Variants in ACBD6 observed in about 807,000 individuals in gnomAD.
ACBD6 encodes acyl-CoA-binding domain-containing protein 6.
ACBD6 carries 28 observed loss-of-function variants against 37.2 expected under a neutral mutation model. The observed-to-expected ratio is 0.75, with a 90% CI of 0.56 to 1.03. ACBD6 has a LOEUF of 1.03. Ranked by LOEUF, ACBD6 falls within the 50% of genes least tolerant of loss-of-function variation. The probability of loss-of-function intolerance (pLI) is 0.00; values close to 1 mark genes in which losing one functional copy is unlikely to be tolerated. For synonymous variants in ACBD6, 113 were observed against 126.8 expected (o/e 0.89, Z 0.73); for missense variants, 340 against 337.4 (o/e 1.01, Z -0.06).
intron 5 of ACBD6, among the ~76,000 whole-genome samples, chr1:180,410,199 T>C (rs1647798748): frequency 6.6e-6 from 1 of 152,232 alleles, no homozygotes; most frequent in African/African-American, 2.4e-5. Flanking sequence ...CTGGTTCATG[T>C]GGTTAAAGGA....
At chr1:180,446,214 T>C (rs187894071) in intron 3 of ACBD6, among the ~76,000 whole-genome samples, 1 of 151,552 alleles carries the variant, frequency 6.6e-6, no homozygotes, top group African/African-American at 2.4e-5. Flanking sequence ...GGTTTTACCA[T>C]GTCACCCATG....
chr1:180,447,021 T>C (rs534555125), intron 3 of ACBD6, among the ~76,000 whole-genome samples: 12 of 152,196 alleles, frequency 7.9e-5, no homozygotes, highest in South Asian at 4.1e-4. Flanking sequence ...GCCTGGGTGA[T>C]AGAGTGAGAC....
intron 6 of ACBD6, among the ~76,000 whole-genome samples, chr1:180,396,992 G>A (rs1654284005): frequency 6.6e-6 from 1 of 152,038 alleles, no homozygotes; most frequent in South Asian, 2.1e-4. Context: ...AAAATACAAG[G>A]ACACAAATGT....
intron 6 of ACBD6, among the ~76,000 whole-genome samples, chr1:180,333,662 T>C (rs923700272): frequency 9.2e-5 from 14 of 152,268 alleles, no homozygotes; most frequent in African/African-American, 3.4e-4. Context: ...TGTCAGAAAG[T>C]GGGTGCAGGA....
At chr1:180,453,705 G>A (rs956384549) in intron 3 of ACBD6, among the ~76,000 whole-genome samples, 26 of 152,108 alleles carry the variant, frequency 1.7e-4, no homozygotes, top group African/African-American at 6.0e-4. Context: ...AAAGTCTCAG[G>A]ATACAAAATC....
rs576322032 is a variant in ACBD6, at chr1:180,468,748, A to G, written c.384+23521T>C. 9.3e-4 allele frequency among the ~76,000 whole-genome samples: 141 copies of G among 152,310 alleles called. 3 individuals carry two copies. The Middle Eastern group carries it at 0.02, about 22-fold the overall frequency. ...ACCCCTAAATCAGATATTTAAGGCTATCAGTTAGCTTAACACCATAAAAAT... is the reference window on the plus strand; with the variant it reads ...ACCCCTAAATCAGATATTTAAGGCTGTCAGTTAGCTTAACACCATAAAAAT... On this transcript the variant is annotated intron_variant, in intron 3 of 7. Coordinates refer to ENST00000367595, the MANE Select transcript of ACBD6 (RefSeq NM_032360.4).
chr1:180,350,324 A>G (rs1001586415), intron 6 of ACBD6, among the ~76,000 whole-genome samples: 4 of 152,146 alleles, frequency 2.6e-5, no homozygotes, highest in Non-Finnish European at 4.4e-5. Flanking sequence ...GTGAGCCACC[A>G]TGCCTGGCCG....
At chr1:180,426,783 T>G (rs187300388) in intron 4 of ACBD6, among the ~76,000 whole-genome samples, 1 of 152,226 alleles carries the variant, frequency 6.6e-6, no homozygotes. Context: ...TGTCTATGTA[T>G]TCACATAATC....
chr1:180,434,903 ATTGGAAT>A (rs1346083271), intron 3 of ACBD6: 1 of 773,238 alleles, frequency 1.3e-6, no homozygotes, highest in East Asian at 2.4e-5. Context: ...CTGAGAATGA[ATTGGAAT>A]TTACAAGCTC....
At chr1:180,501,222 T>G (rs1232763982) in intron 1 of ACBD6, among the ~76,000 whole-genome samples, 2 of 152,182 alleles carry the variant, frequency 1.3e-5, no homozygotes, top group Admixed American at 6.5e-5. Flanking sequence ...AGCTCTAAAA[T>G]TTTTAGATTG....
At chr1:180,483,542 TAAGTA>T (rs1651140244) in intron 3 of ACBD6, among the ~76,000 whole-genome samples, 2 of 152,254 alleles carry the variant, frequency 1.3e-5, no homozygotes, top group Non-Finnish European at 2.9e-5. Context: ...TTGCACACAG[TAAGTA>T]TAAAACTAAT....
intron 4 of ACBD6, among the ~76,000 whole-genome samples, chr1:180,415,345 C>T (rs913579788): frequency 1.7e-4 from 26 of 151,412 alleles, no homozygotes; most frequent in East Asian, 7.7e-4. Context: ...TGCAGTGAGC[C>T]GAGATCATAC....
At chr1:180,317,375 T>C (rs1404905428) in intron 6 of ACBD6, among the ~76,000 whole-genome samples, 1 of 152,164 alleles carries the variant, frequency 6.6e-6, no homozygotes. Flanking sequence ...TCTTGTCTAA[T>C]GGGTACAGAG....
intron 3 of ACBD6, among the ~76,000 whole-genome samples, chr1:180,448,498 C>A (rs1184386209): frequency 6.6e-6 from 1 of 152,096 alleles, no homozygotes; most frequent in Non-Finnish European, 1.5e-5. Flanking sequence ...TCTGGTTCTT[C>A]TTTTTCCTTT....
At chr1:180,274,752 T>G in exon 10 of ACBD6, 1 of 736,084 alleles carries the variant, frequency 1.4e-6, no homozygotes, top group Non-Finnish European at 2.2e-6. Context: ...GGGCATTGTT[T>G]CCCTGGGGAA....
intron 3 of ACBD6, among the ~76,000 whole-genome samples, chr1:180,480,673 A>G (rs959954180): frequency 6.6e-6 from 1 of 152,210 alleles, no homozygotes; most frequent in Non-Finnish European, 1.5e-5. Context: ...TGGAGCTTGT[A>G]GAAGTACTTG....
chr1:180,359,526 T>TCA (rs1368373436), intron 6 of ACBD6, among the ~76,000 whole-genome samples: 26 of 152,188 alleles, frequency 1.7e-4, no homozygotes, highest in Non-Finnish European at 3.5e-4. Context: ...AAAGGATTTG[T>TCA]TAGGATGGAA....
At position 180,479,412 on chromosome 1, in the gene ACBD6, G is replaced by A. The variant is rs150794054; in HGVS notation, c.384+12857C>T. ...AGACACAAAAAGACAAATATCACTT[G>A]TTCTCATTTATATATATGAGCTAAA... On this transcript the variant is annotated intron_variant, in intron 3 of 7. Coordinates refer to ENST00000367595, the MANE Select transcript of ACBD6 (RefSeq NM_032360.4). Among the ~76,000 whole-genome samples, 11 of 152,170 alleles carry A rather than the reference G, an allele frequency of 7.2e-5. No homozygotes were observed. In the East Asian group the frequency reaches 1.7e-3, roughly 24 times the overall value.
chr1:180,350,023 CTTTTT>C (rs371542775), intron 6 of ACBD6, among the ~76,000 whole-genome samples: 2 of 65,554 alleles, frequency 3.1e-5, no homozygotes, highest in East Asian at 3.8e-4. Context: ...TCCAGTGACC[CTTTTT>C]TTTTTTTTTT....
Sources: allele counts gnomAD v4.1 joint callset (sites outside exome capture counted in the v4.1 genomes callset), GRCh38; gene constraint gnomAD v4.1.1; transcripts MANE v1.5; gene names NCBI Gene and HGNC (gene_info 2026-07-23, HGNC 2026-07-21).